The following LRFN5 variants were observed in gnomAD, a reference collection of about 807,000 sequenced individuals.
LRFN5 encodes the protein leucine rich repeat and fibronectin type III domain containing 5.
Under a neutral mutation model 45.6 loss-of-function variants are expected in LRFN5, and 24 were observed. That is an observed-to-expected ratio of 0.53 (90% CI 0.38 to 0.74). The LOEUF is 0.74. Ranked by LOEUF, LRFN5 falls within the 30% of genes least tolerant of loss-of-function variation. The pLI, the probability that LRFN5 is intolerant of heterozygous loss-of-function variation, is 0.00. For synonymous variants in LRFN5, 340 were observed against 313.8 expected (o/e 1.08, Z -0.88); for missense variants, 776 against 861.5 (o/e 0.90, Z 1.24).
At chr14:41,859,740 G>A (rs1342467553) in intron 2 of LRFN5, among the ~76,000 whole-genome samples, 1 of 152,120 alleles carries the variant, frequency 6.6e-6, no homozygotes, top group East Asian at 1.9e-4. Flanking sequence ...GAGAAAAGAT[G>A]CAGTTTTAAC....
chr14:41,790,845 T>G (rs1886894446), intron 2 of LRFN5, among the ~76,000 whole-genome samples: 1 of 151,720 alleles, frequency 6.6e-6, no homozygotes. Flanking sequence ...TAAATAAGCT[T>G]TTAGCATATG....
At chr14:41,838,568 T>C (rs1888745679) in intron 2 of LRFN5, among the ~76,000 whole-genome samples, 1 of 152,164 alleles carries the variant, frequency 6.6e-6, no homozygotes, top group Admixed American at 6.6e-5. Context: ...GGCAGATATG[T>C]CTTATGTCTC....
At chr14:41,747,136 A>T (rs1884953538) in intron 1 of LRFN5, among the ~76,000 whole-genome samples, 1 of 152,030 alleles carries the variant, frequency 6.6e-6, no homozygotes, top group South Asian at 2.1e-4. Flanking sequence ...AAAAGGATCT[A>T]CAAATTTCCA....
chr14:41,754,506 A>G (rs7161088), intron 1 of LRFN5, among the ~76,000 whole-genome samples: 8,455 of 151,768 alleles, frequency 0.056, 819 homozygotes, highest in African/African-American at 0.19. Flanking sequence ...GGGTTTATGC[A>G]TCGAGGAATT....
At chr14:41,831,019 C>G in intron 2 of LRFN5, among the ~76,000 whole-genome samples, 1 of 152,194 alleles carries the variant, frequency 6.6e-6, no homozygotes, top group East Asian at 1.9e-4. Context: ...CTCCAGCTTA[C>G]AACTTTATAC....
At chr14:41,644,090 AT>A (rs1849226528) in intron 1 of LRFN5, among the ~76,000 whole-genome samples, 1 of 152,208 alleles carries the variant, frequency 6.6e-6, no homozygotes, top group South Asian at 2.1e-4. Context: ...ATGGTTGAAA[AT>A]GAAAGTGTGT....
At chr14:41,904,095 T>G in intron 5 of LRFN5, 63 bp from the exon 6 acceptor site, 5 of 1,322,952 alleles carry the variant, frequency 3.8e-6, no homozygotes, top group Non-Finnish European at 5.3e-6. Context: ...TCTTATTAGC[T>G]ATGTGTTTTC....
At chr14:41,742,306 T>G (rs1333475490) in intron 1 of LRFN5, among the ~76,000 whole-genome samples, 6 of 104,738 alleles carry the variant, frequency 5.7e-5, no homozygotes, top group Non-Finnish European at 1.2e-4. Context: ...GAAAATGTGG[T>G]GTGTATACAC....
chr14:41,834,762 A>C (rs1888603651), intron 2 of LRFN5, among the ~76,000 whole-genome samples: 1 of 152,054 alleles, frequency 6.6e-6, no homozygotes, highest in African/African-American at 2.4e-5. Context: ...CCCTGGGCTC[A>C]AGTGATCCTC....
At chr14:41,619,485 G>A (rs1888041202) in intron 1 of LRFN5, among the ~76,000 whole-genome samples, 1 of 151,948 alleles carries the variant, frequency 6.6e-6, no homozygotes, top group South Asian at 2.1e-4. Context: ...ACCTGAAAAT[G>A]CATGTCATAT....
intron 5 of LRFN5, 111 bp from the exon 6 acceptor site, chr14:41,904,047 G>A: frequency 5.8e-6 from 5 of 855,384 alleles, no homozygotes; most frequent in South Asian, 4.9e-5. Context: ...CTCCTTGGGT[G>A]CTTACATTTA....
At chr14:41,789,698 G>A (rs1886850154) in intron 2 of LRFN5, among the ~76,000 whole-genome samples, 1 of 151,832 alleles carries the variant, frequency 6.6e-6, no homozygotes, top group Non-Finnish European at 1.5e-5. Flanking sequence ...GTCTTCATTT[G>A]TATCTAGGAT....
intron 2 of LRFN5, among the ~76,000 whole-genome samples, chr14:41,849,338 C>T (rs1032643640): frequency 6.6e-6 from 1 of 151,994 alleles, no homozygotes; most frequent in South Asian, 2.1e-4. Context: ...AAACTGTCTT[C>T]CACTCTATGG....
chr14:41,686,053 GGGCAGTAT>G (rs1882106043), intron 1 of LRFN5, among the ~76,000 whole-genome samples: 1 of 152,038 alleles, frequency 6.6e-6, no homozygotes, highest in Admixed American at 6.6e-5. Flanking sequence ...AAATCGCTTT[GGGCAGTAT>G]GGCCATTTTC....
chr14:41,630,283 C>A (rs1189244013), intron 1 of LRFN5, among the ~76,000 whole-genome samples: 1 of 152,132 alleles, frequency 6.6e-6, no homozygotes, highest in Non-Finnish European at 1.5e-5. Flanking sequence ...TGGATTAAAT[C>A]ACTTTAGGGC....
intron 1 of LRFN5, among the ~76,000 whole-genome samples, chr14:41,738,475 C>T (rs1173114701): frequency 1.3e-5 from 2 of 152,164 alleles, no homozygotes; most frequent in Admixed American, 6.5e-5. Flanking sequence ...CTAATTGCAA[C>T]AAAAGCCAAA....
chr14:41,778,467 T>C (rs1010062329), intron 2 of LRFN5, among the ~76,000 whole-genome samples: 3 of 151,780 alleles, frequency 2.0e-5, no homozygotes, highest in Non-Finnish European at 4.4e-5. Flanking sequence ...TTTATTTCTT[T>C]GATTATCGTT....
At chr14:41,700,256 C>T (rs764798755) in intron 1 of LRFN5, 4 of 151,772 alleles carry the variant, frequency 2.6e-5, no homozygotes, top group Admixed American at 2.0e-4. Flanking sequence ...TTAGGAGAAG[C>T]GCAGGTAGCT....
At chr14:41,614,118 A>AT (rs1048185065) in intron 1 of LRFN5, among the ~76,000 whole-genome samples, 6 of 151,900 alleles carry the variant, frequency 3.9e-5, no homozygotes, top group South Asian at 4.1e-4. Context: ...TCCTTTTATT[A>AT]TTTTTTTGTG....
Sources: gnomAD v4.1 joint callset for allele counts (sites outside exome capture counted in the v4.1 genomes callset) on GRCh38, gnomAD v4.1.1 for gene constraint, MANE v1.5 for transcripts, NCBI Gene and HGNC (gene_info 2026-07-23, HGNC 2026-07-21) for gene names.